Variants in WWC2 observed in about 807,000 individuals in gnomAD.
WWC2 encodes WW and C2 domain containing 2.
In WWC2, 101 loss-of-function variants were observed where a neutral mutation model predicts 138.5. The observed-to-expected ratio is 0.73, with a 90% CI of 0.62 to 0.86. The LOEUF is 0.86. WWC2 is among the 40% of genes least tolerant of loss of function. WWC2 has a pLI of 0.00. For synonymous variants in WWC2, 558 were observed against 538.4 expected (o/e 1.04, Z -0.50); for missense variants, 1,420 against 1,419.4 (o/e 1.00, Z -0.01).
intron 1 of WWC2, among the ~76,000 whole-genome samples, chr4:183,129,374 T>C (rs1277691312): frequency 1.3e-5 from 2 of 152,310 alleles, no homozygotes; most frequent in East Asian, 3.9e-4. Flanking sequence ...ATACTTATCC[T>C]GGGATGATGG....
chr4:183,153,093 CAG>C (rs1208344604), intron 1 of WWC2, among the ~76,000 whole-genome samples: 6 of 152,140 alleles, frequency 3.9e-5, no homozygotes. Flanking sequence ...TTTGTAGAGA[CAG>C]AGTTTCTTTA....
At chr4:183,312,542 CAGTGAA>C in intron 22 of WWC2, 74 bp downstream of exon 22, 1 of 1,588,214 alleles carries the variant, frequency 6.3e-7, no homozygotes, top group Non-Finnish European at 8.6e-7. Flanking sequence ...CACCTCAGTG[CAGTGAA>C]AGTTAATATG....
At chr4:183,293,702 G>GT (rs1232396940) in intron 21 of WWC2, among the ~76,000 whole-genome samples, 1 of 152,186 alleles carries the variant, frequency 6.6e-6, no homozygotes, top group East Asian at 1.9e-4. Context: ...TAAAAAATTT[G>GT]TAAGTTATTA....
intron 1 of WWC2, among the ~76,000 whole-genome samples, chr4:183,136,089 A>G (rs1175107136): frequency 6.6e-6 from 1 of 151,718 alleles, no homozygotes; most frequent in Non-Finnish European, 1.5e-5. Context: ...ATGGGTATAG[A>G]TTGCTTTCTA....
rs1432464869 is a variant in WWC2 at position 183,265,761 on chromosome 4, G to A, written c.2113G>A (p.Gly705Arg). 4 of 1,610,996 alleles carry A rather than the reference G, an allele frequency of 2.5e-6. No homozygotes were observed. The highest frequency in any genetic ancestry group is 3.4e-6 in the Non-Finnish European group (4 of 1,178,632). ...AIVETAQVQI[G>R]LRYNAKSSSF... Reference sequence around the variant, plus strand: ...TGTAGAGACCGCCCAGGTTCAGATAGGACTCAGGTAAGGAATGTACGTGGG... The same window carrying A: ...TGTAGAGACCGCCCAGGTTCAGATAAGACTCAGGTAAGGAATGTACGTGGG... Residue 705 changes from glycine (G) to arginine (R), a missense_variant, in exon 13 of 23, where the codon GGA (glycine) becomes AGA (arginine). By Grantham distance (125) the Gly-to-Arg change is moderately radical (BLOSUM62 -2). Coordinates refer to ENST00000403733, the MANE Select transcript of WWC2 (RefSeq NM_024949.6).
chr4:183,127,662 G>A (rs1048277759), intron 1 of WWC2, among the ~76,000 whole-genome samples: 4 of 152,048 alleles, frequency 2.6e-5, no homozygotes, highest in African/African-American at 9.7e-5. Flanking sequence ...CCAAAAAGGG[G>A]GGAATAACTA....
intron 4 of WWC2, among the ~76,000 whole-genome samples, chr4:183,217,898 A>G (rs1735801691): frequency 6.6e-6 from 1 of 152,150 alleles, no homozygotes; most frequent in African/African-American, 2.4e-5. Context: ...TCAATATAGG[A>G]AATTCAACAA....
At chr4:183,157,310 G>A (rs148617902) in intron 1 of WWC2, among the ~76,000 whole-genome samples, 8 of 152,196 alleles carry the variant, frequency 5.3e-5, no homozygotes, top group African/African-American at 1.9e-4. Context: ...GCTGAAGTAC[G>A]CTGTGTCCTT....
At position 183,275,627 on chromosome 4, in the gene WWC2, C is replaced by A. The variant is rs901106123; in HGVS notation, c.2562+4386C>A. Reference sequence around the variant, plus strand: ...ATTAATTGATTTTCAAGTATTAAACCAACCCTGCATTCCTAGGATAAATCT... The same window carrying A: ...ATTAATTGATTTTCAAGTATTAAACAAACCCTGCATTCCTAGGATAAATCT... On this transcript the variant is annotated intron_variant, in intron 16 of 22. Transcript: ENST00000403733. 2.0e-4 allele frequency among the ~76,000 whole-genome samples: 31 copies of A among 152,116 alleles called. 1 individual carries two copies. Among genetic ancestry groups the A allele is most frequent in the African/African-American group, 7.2e-4 (30 of 41,510 alleles).
chr4:183,145,858 G>A (rs1733437690), intron 1 of WWC2, among the ~76,000 whole-genome samples: 1 of 152,140 alleles, frequency 6.6e-6, no homozygotes. Flanking sequence ...TAGTTTTCCT[G>A]TGTAGTTTAT....
At chr4:183,200,656 G>T (rs954044334) in intron 2 of WWC2, among the ~76,000 whole-genome samples, 1 of 152,130 alleles carries the variant, frequency 6.6e-6, no homozygotes, top group African/African-American at 2.4e-5. Flanking sequence ...TCGTACGGTT[G>T]TTGGCAGGAT....
chr4:183,122,954 G>A (rs936273612), intron 1 of WWC2, among the ~76,000 whole-genome samples: 1 of 152,206 alleles, frequency 6.6e-6, no homozygotes, highest in Non-Finnish European at 1.5e-5. Context: ...GAAATGCAGA[G>A]TTAAACTGCA....
intron 21 of WWC2, among the ~76,000 whole-genome samples, chr4:183,305,520 A>G (rs182857640): frequency 5.9e-5 from 9 of 152,284 alleles, no homozygotes; most frequent in Admixed American, 2.6e-4. Flanking sequence ...CAGAGGGGGA[A>G]AAAAGCTTCC....
intron 4 of WWC2, among the ~76,000 whole-genome samples, chr4:183,210,031 C>T (rs1311285257): frequency 1.3e-5 from 2 of 152,162 alleles, no homozygotes; most frequent in African/African-American, 4.8e-5. Context: ...TGCTCAACAG[C>T]ATTTCGAGAT....
chr4:183,283,167 A>G (rs1382546049), intron 18 of WWC2, among the ~76,000 whole-genome samples: 1 of 152,248 alleles, frequency 6.6e-6, no homozygotes, highest in Admixed American at 6.5e-5. Flanking sequence ...AAATCTATAA[A>G]TATTCTGTGA....
chr4:183,261,369 T>C lies in WWC2; in HGVS notation c.1746T>C (p.Thr582=). 2 of 1,613,318 alleles carry C rather than the reference T, an allele frequency of 1.2e-6. No homozygotes were observed. The highest frequency in any genetic ancestry group is 8.5e-7 in the Non-Finnish European group (1 of 1,179,628). The part of the protein sequence containing the change: ...SSHDASLHQF[T]ADFEDCELSS... ...ATGATGCCTCTCTCCATCAGTTCAC[T>C]GCTGACTTTGAAGACTGTGAGTTGA... Residue 582 remains threonine (T), a synonymous_variant, in exon 11 of 23, where the codon ACT becomes ACC. Transcript: ENST00000403733.
At chr4:183,102,024 A>G (rs1335952325) in intron 1 of WWC2, among the ~76,000 whole-genome samples, 1 of 152,254 alleles carries the variant, frequency 6.6e-6, no homozygotes, top group African/African-American at 2.4e-5. Context: ...TTATAAGAAC[A>G]TAATTTCATT....
chr4:183,300,354 T>C (rs931122260), intron 21 of WWC2, among the ~76,000 whole-genome samples: 37 of 149,592 alleles, frequency 2.5e-4, no homozygotes, highest in African/African-American at 9.1e-4. Context: ...TTTTTTTTTT[T>C]TTCCATAGAG....
At chr4:183,291,667 A>G (rs1432960128) in intron 21 of WWC2, among the ~76,000 whole-genome samples, 1 of 152,174 alleles carries the variant, frequency 6.6e-6, no homozygotes, top group Non-Finnish European at 1.5e-5. Context: ...GAAATTCTAA[A>G]TTTCTAGATA....
Sources: gnomAD v4.1 joint callset for allele counts (sites outside exome capture counted in the v4.1 genomes callset) on GRCh38, gnomAD v4.1.1 for gene constraint, MANE v1.5 for transcripts, NCBI Gene and HGNC (gene_info 2026-07-23, HGNC 2026-07-21) for gene names.